Variants in RPTOR observed in about 807,000 individuals in gnomAD.
RPTOR encodes the protein regulatory associated protein of MTOR complex 1.
Under a neutral mutation model 169.9 loss-of-function variants are expected in RPTOR, and 21 were observed. The observed-to-expected ratio is 0.12, with a 90% CI of 0.09 to 0.18. The LOEUF is 0.18. Ranked by LOEUF, RPTOR falls within the 10% of genes least tolerant of loss-of-function variation. The pLI, the probability that RPTOR is intolerant of heterozygous loss-of-function variation, is 1.00. For synonymous variants in RPTOR, 732 were observed against 753.2 expected (o/e 0.97, Z 0.46); for missense variants, 1,133 against 1,855.9 (o/e 0.61, Z 7.16).
At chr17:80,558,335 A>G (rs2084436783) in intron 1 of RPTOR, among the ~76,000 whole-genome samples, 2 of 152,150 alleles carry the variant, frequency 1.3e-5, no homozygotes, top group Non-Finnish European at 2.9e-5. Context: ...CTTGTCACAT[A>G]TTGGTGGGTG....
Position 80,917,627 on chromosome 17 carries a change from GAAATTCTCTGA to G in RPTOR, c.2521-5094_2521-5084del, listed in dbSNP as rs142223561. ...CACTGCTAAAACTGTCTTTACCTCT[GAAATTCTCTGA>G]AATTTCTCTTCCAGTGATCTCAGCC... On this transcript the variant is annotated intron_variant, in intron 21 of 33. Coordinates refer to ENST00000306801, the MANE Select transcript of RPTOR (RefSeq NM_020761.3). Among the ~76,000 whole-genome samples the G allele has an allele frequency of 6.2e-3, 942 of 152,302 alleles. 14 individuals carry two copies. Among genetic ancestry groups the G allele is most frequent in the African/African-American group, 0.022 (900 of 41,568 alleles).
intron 2 of RPTOR, among the ~76,000 whole-genome samples, chr17:80,627,509 GATCTGATTTTTT>G (rs375541857): frequency 2.0e-5 from 3 of 152,282 alleles, no homozygotes; most frequent in African/African-American, 7.2e-5. Flanking sequence ...GGAAACCATT[GATCTGATTTTTT>G]CCTTTTACAG....
At chr17:80,939,374 C>A (rs1185937962) in intron 24 of RPTOR, among the ~76,000 whole-genome samples, 1 of 152,226 alleles carries the variant, frequency 6.6e-6, no homozygotes, top group Non-Finnish European at 1.5e-5. Context: ...CACGCACTCG[C>A]ACACACGCAC....
At chr17:80,774,292 G>A in intron 6 of RPTOR, 15 of 985,396 alleles carry the variant, frequency 1.5e-5, no homozygotes, top group Non-Finnish European at 1.8e-5. Context: ...GAGCTGCACG[G>A]GAGAGTGCTT....
intron 6 of RPTOR, among the ~76,000 whole-genome samples, chr17:80,760,978 A>G (rs1044614327): frequency 6.6e-6 from 1 of 152,140 alleles, no homozygotes; most frequent in African/African-American, 2.4e-5. Context: ...GTTGGAAGAC[A>G]TTGTTCTCTA....
chr17:80,827,765 G>A (rs2067460466), intron 9 of RPTOR, among the ~76,000 whole-genome samples: 1 of 152,162 alleles, frequency 6.6e-6, no homozygotes, highest in Non-Finnish European at 1.5e-5. Context: ...GTGACCACAG[G>A]TGGTCATGTA....
chr17:80,907,630 C>T (rs921722585), intron 20 of RPTOR, among the ~76,000 whole-genome samples: 5 of 152,226 alleles, frequency 3.3e-5, no homozygotes, highest in African/African-American at 9.6e-5. Flanking sequence ...CCACATAGCC[C>T]GTGCCTGCCC....
chr17:80,856,063 C>T (rs116957197), intron 12 of RPTOR, among the ~76,000 whole-genome samples: 1 of 152,082 alleles, frequency 6.6e-6, no homozygotes, highest in Non-Finnish European at 1.5e-5. Context: ...AAGCGACGTG[C>T]GTTTAACAAA....
Position 80,964,195 on chromosome 17 carries a change from GC to G in RPTOR, c.3940-60del, listed in dbSNP as rs370699322. 1,757 of 1,104,924 alleles carry G rather than the reference GC, an allele frequency of 1.6e-3. 45 individuals carry two copies. In the South Asian group the frequency reaches 0.019, roughly 12 times the overall value. The allele number at this position is 1,104,924 out of a possible 1,614,324, so 68.4% of individuals were successfully genotyped here. A position where few individuals can be genotyped will look rare whatever the true frequency, so the allele number is the denominator to read the frequency against. On this transcript the variant is annotated intron_variant, in intron 33 of 33. Coordinates refer to ENST00000306801, the MANE Select transcript of RPTOR (RefSeq NM_020761.3). Reference sequence around the variant, plus strand: ...TGCCTAAGGATGCGGGTTGGCCTGCGCCCCCCCGCCCCCCGCAGTGTCTGCC... The same window carrying G: ...TGCCTAAGGATGCGGGTTGGCCTGCGCCCCCCGCCCCCCGCAGTGTCTGCC...
intron 7 of RPTOR, among the ~76,000 whole-genome samples, chr17:80,817,680 A>G (rs116049652): frequency 6.6e-6 from 1 of 152,088 alleles, no homozygotes; most frequent in Admixed American, 6.5e-5. Flanking sequence ...AGTGACTGTG[A>G]TGGGCTGTGA....
rs551318752 is a variant in RPTOR, at chr17:80,853,392, G to A, written c.1315-2072G>A. ...TCTCCTGGGGGGAGGGAAAACCTCCGAGGCCTGCAGCGAGGCCAGGTCAGG... is the reference window on the plus strand; with the variant it reads ...TCTCCTGGGGGGAGGGAAAACCTCCAAGGCCTGCAGCGAGGCCAGGTCAGG... On this transcript the variant is annotated intron_variant, in intron 11 of 33. Transcript: ENST00000306801. Among the ~76,000 whole-genome samples, 131 of 152,254 alleles carry A rather than the reference G, an allele frequency of 8.6e-4. 1 individual carries two copies. The highest frequency in any genetic ancestry group is 1.7e-3 in the South Asian group (8 of 4,820).
intron 5 of RPTOR, among the ~76,000 whole-genome samples, chr17:80,749,533 G>C (rs1238116133): frequency 1.4e-5 from 2 of 144,502 alleles, no homozygotes; most frequent in African/African-American, 2.6e-5. Context: ...TGGGTGGATG[G>C]AGGGGCTGCG....
chr17:80,872,224 G>A (rs984003887), intron 13 of RPTOR, among the ~76,000 whole-genome samples: 1 of 152,210 alleles, frequency 6.6e-6, no homozygotes, highest in Non-Finnish European at 1.5e-5. Context: ...TCAGCGAGGA[G>A]GTGCCGTTGA....
At chr17:80,962,607 C>A in intron 32 of RPTOR, 30 bp downstream of exon 32, 1 of 1,570,140 alleles carries the variant, frequency 6.4e-7, no homozygotes, top group East Asian at 2.2e-5. Context: ...CTGGCCTGCA[C>A]CGCTCACCCG....
At chr17:80,672,813 C>T (rs2143685539) in intron 3 of RPTOR, among the ~76,000 whole-genome samples, 1 of 152,112 alleles carries the variant, frequency 6.6e-6, no homozygotes, top group East Asian at 1.9e-4. Flanking sequence ...ACAGACTTCT[C>T]AACATAAGGT....
chr17:80,722,446 T>C (rs1055431627), intron 4 of RPTOR, among the ~76,000 whole-genome samples: 2 of 149,026 alleles, frequency 1.3e-5, no homozygotes, highest in Admixed American at 1.3e-4. Flanking sequence ...AAGGGGAGGG[T>C]GGAAGGGAGG....
In RPTOR at chr17:80,891,819, C is replaced by A. The variant is rs1428058138; in HGVS notation, c.2083C>A (p.Pro695Thr). ...FIEEEKNYAL[P>T]SPATTEGGSL... is the part of the protein sequence containing the mutation. ...AGAAGAGGAAAAGAACTACGCCTTG[C>A]CTTCTCCAGCAACCACAGGTATGGC... is the stretch of plus-strand genomic sequence containing the variant. Residue 695 changes from proline (P) to threonine (T), a missense_variant, in exon 18 of 34, where the codon CCT becomes ACT. By Grantham distance (38) the Pro-to-Thr change is conservative. This residue lies in a region of RPTOR where 150 missense variants were observed against 206.4 expected (regional missense o/e 0.73). Transcript: ENST00000306801. 1.2e-6 allele frequency: 2 copies of A among 1,613,032 alleles called. No homozygotes were observed. Among genetic ancestry groups the A allele is most frequent in the Non-Finnish European group, 1.7e-6 (2 of 1,179,236 alleles).
intron 4 of RPTOR, among the ~76,000 whole-genome samples, chr17:80,725,968 A>G (rs2143180572): frequency 6.6e-6 from 1 of 152,342 alleles, no homozygotes; most frequent in African/African-American, 2.4e-5. Flanking sequence ...GGCAATGTCC[A>G]GCAACCTGGA....
Position 80,965,599 on chromosome 17 carries a change from G to A in RPTOR, c.*1269G>A. ...GAAGGAGCCAGGTGGCTTCATTCTG[G>A]CGGTGAGAGGCCCACGACCACGGGA... On this transcript the variant is annotated 3_prime_UTR_variant, in exon 34 of 34. Transcript: ENST00000306801. 2 of 233,374 alleles carry A rather than the reference G, an allele frequency of 8.6e-6. No individual in the cohort carries two copies. Among genetic ancestry groups the A allele is most frequent in the Non-Finnish European group, 1.7e-5 (2 of 118,086 alleles). 14.5% of individuals were successfully genotyped at this position (233,374 alleles called of 1,614,324 possible).
Sources: gnomAD v4.1 joint callset for allele counts (sites outside exome capture counted in the v4.1 genomes callset) on GRCh38, gnomAD v4.1.1 for gene constraint, gnomAD v4.1.1 regional missense constraint, MANE v1.5 for transcripts, NCBI Gene and HGNC (gene_info 2026-07-23, HGNC 2026-07-21) for gene names.